NMT1: variants seen among roughly 807,000 people sequenced by gnomAD.
NMT1 encodes glycylpeptide N-tetradecanoyltransferase 1.
A neutral mutation model predicts 63.4 loss-of-function variants in NMT1; 12 were observed. The observed-to-expected ratio is 0.19, with a 90% CI of 0.12 to 0.31. The LOEUF (loss-of-function observed/expected upper bound fraction) is 0.31, where lower values mean the gene tolerates loss of function less well. Ranked by LOEUF, NMT1 falls within the 10% of genes least tolerant of loss-of-function variation. The pLI is 1.00. For synonymous variants in NMT1, 228 were observed against 234.3 expected (o/e 0.97, Z 0.25); for missense variants, 432 against 634.6 (o/e 0.68, Z 3.43).
chr17:45,093,814 C>T lies in NMT1; in HGVS notation c.504+11C>T, dbSNP rs1254960869. 5.6e-6 allele frequency: 9 copies of T among 1,607,908 alleles called. No homozygotes were observed. Among genetic ancestry groups the T allele is most frequent in the Admixed American group, 1.7e-5 (1 of 59,962 alleles). On this transcript the variant is annotated intron_variant, in intron 4 of 11. Transcript: ENST00000258960. ...GGCGATCGTGGTGTGGTGAGTGGGC[C>T]CTCAGAAGGTTACACCTGCGGGTAG...
intron 8 of NMT1, among the ~76,000 whole-genome samples, chr17:45,101,189 A>C (rs944849356): frequency 3.3e-5 from 5 of 151,648 alleles, no homozygotes; most frequent in African/African-American, 1.2e-4. Flanking sequence ...ATCTCAAAAA[A>C]AACAACAACA....
At chr17:45,067,102 C>T (rs1332309094) in intron 1 of NMT1, among the ~76,000 whole-genome samples, 1 of 151,622 alleles carries the variant, frequency 6.6e-6, no homozygotes, top group East Asian at 1.9e-4. Context: ...AGAGGAGAGT[C>T]AGATAAGATA....
chr17:45,062,246 A>C (rs2053868545), intron 1 of NMT1, among the ~76,000 whole-genome samples: 1 of 152,224 alleles, frequency 6.6e-6, no homozygotes, highest in Admixed American at 6.6e-5. Context: ...GAAACACACC[A>C]GGCATTTGAA....
chr17:45,088,519 T>C (rs2239917), intron 3 of NMT1, among the ~76,000 whole-genome samples: 87,213 of 152,032 alleles, frequency 0.57, 25,589 homozygotes, highest in African/African-American at 0.64. Context: ...CTTTGGGAGG[T>C]CGAGGCAGGC....
In NMT1 at chr17:45,104,498, A is replaced by G; in HGVS notation, c.1333-361A>G. On this transcript the variant is annotated intron_variant, in intron 10 of 11. Transcript: ENST00000258960. The surrounding 1 kb of genome is among the most constrained non-coding windows in gnomAD (Gnocchi z 4.2). ...TAAGGAAGCAACACAAACCCCATGT[A>G]GCTGACCAGAGCCAGCTTCTCAGAG... The G allele has an allele frequency of 9.0e-7, 1 of 1,111,616 alleles. No homozygotes were observed. The highest frequency in any genetic ancestry group is 1.1e-6 in the Non-Finnish European group (1 of 906,500). 68.9% of individuals were successfully genotyped at this position (1,111,616 alleles called of 1,614,324 possible).
chr17:45,093,195 A>T (rs1209125916), intron 3 of NMT1, among the ~76,000 whole-genome samples: 1 of 152,252 alleles, frequency 6.6e-6, no homozygotes, highest in African/African-American at 2.4e-5. Flanking sequence ...CGCTGCTGAA[A>T]GCCAAGGCTG....
At chr17:45,079,319 G>A (rs2053997736) in intron 1 of NMT1, among the ~76,000 whole-genome samples, 1 of 152,056 alleles carries the variant, frequency 6.6e-6, no homozygotes, top group African/African-American at 2.4e-5. Flanking sequence ...GGTCAGGCTG[G>A]TCTCGAACTC....
In NMT1 at chr17:45,103,176, C is replaced by G. The variant is rs886392489; in HGVS notation, c.1164+55C>G. ...TAACACGTTCCCAGAGAGGCACCCCCCTGAGTGGCCGGGTTCCCAGGGCTC... is the reference window on the plus strand; with the variant it reads ...TAACACGTTCCCAGAGAGGCACCCCGCTGAGTGGCCGGGTTCCCAGGGCTC... On this transcript the variant is annotated intron_variant, in intron 9 of 11. Coordinates refer to ENST00000258960, the MANE Select transcript of NMT1 (RefSeq NM_021079.5). This position sits in a 1 kb window ranked among gnomAD's most constrained non-coding sequence, Gnocchi z 4.8. 4 of 1,544,570 alleles carry G rather than the reference C, an allele frequency of 2.6e-6. No homozygotes were observed. In the South Asian group the frequency reaches 3.6e-5, roughly 14 times the overall value.
At position 45,104,097 on chromosome 17, in the gene NMT1, T is replaced by C; in HGVS notation, c.1332+221T>C. On this transcript the variant is annotated intron_variant, in intron 10 of 11. Coordinates refer to ENST00000258960, the MANE Select transcript of NMT1 (RefSeq NM_021079.5). This position sits in a 1 kb window ranked among gnomAD's most constrained non-coding sequence, Gnocchi z 4.2. ...AAGGCATTGAACTCCTCCTGATTCA[T>C]TTCAGTGAGTTTCGTTCTCACAGGA... The C allele has an allele frequency of 6.9e-7, 1 of 1,445,674 alleles. No homozygotes were observed. The highest frequency in any genetic ancestry group is 1.4e-5 in the South Asian group (1 of 73,792). The allele number at this position is 1,445,674 out of a possible 1,614,324, so 89.6% of individuals were successfully genotyped here.
intron 1 of NMT1, among the ~76,000 whole-genome samples, chr17:45,070,607 C>T (rs112765967): frequency 1.2e-4 from 18 of 152,250 alleles, no homozygotes; most frequent in East Asian, 3.9e-4. Flanking sequence ...TTAGTAGAGA[C>T]GGGGTTTCAC....
In NMT1 at chr17:45,104,880, G is replaced by A. The variant is rs1460724762; in HGVS notation, c.1354G>A (p.Ala452Thr). ...AKMKGFDVFN[A>T]LDLMENKTFL... ...GCAGAAAGGGTTTGATGTGTTCAAT[G>A]CACTGGATCTCATGGAGAACAAAAC... Residue 452 changes from alanine to threonine, a missense_variant, in exon 11 of 12, where the codon GCA becomes ACA. Ala to Thr is a moderately conservative substitution (Grantham distance 58, BLOSUM62 0). Coordinates refer to ENST00000258960, the MANE Select transcript of NMT1 (RefSeq NM_021079.5). The surrounding 1 kb of genome is among the most constrained non-coding windows in gnomAD (Gnocchi z 4.2). The A allele has an allele frequency of 6.2e-7, 1 of 1,614,238 alleles. No individual in the cohort carries two copies. The highest frequency in any genetic ancestry group is 1.7e-5 in the Admixed American group (1 of 60,028).
intron 1 of NMT1, among the ~76,000 whole-genome samples, chr17:45,065,874 T>C (rs2053899465): frequency 6.6e-6 from 1 of 151,234 alleles, no homozygotes; most frequent in Admixed American, 6.6e-5. Flanking sequence ...CTTATTCTCC[T>C]GGGCCTTTTT....
chr17:45,070,115 A>G (rs965728421), intron 1 of NMT1, among the ~76,000 whole-genome samples: 23 of 152,172 alleles, frequency 1.5e-4, no homozygotes, highest in Admixed American at 4.6e-4. Context: ...GTTATCGTCC[A>G]TGACAAGAAT....
At chr17:45,084,074 A>T (rs928985722) in intron 2 of NMT1, among the ~76,000 whole-genome samples, 2 of 152,240 alleles carry the variant, frequency 1.3e-5, no homozygotes, top group African/African-American at 4.8e-5. Context: ...TAGTTTTATT[A>T]ATCTAAGTCT....
In NMT1 at chr17:45,108,061, C is replaced by T. The variant is rs2054214523; in HGVS notation, c.*2422C>T. On this transcript the variant is annotated 3_prime_UTR_variant, in exon 12 of 12. Transcript: ENST00000258960. ...GGGGTCAGGGCCTCCCCACAGGAGC[C>T]CTGCAGTGTGGTAGCGCCATGGCTG... 3 of 152,254 alleles carry T rather than the reference C, an allele frequency of 2.0e-5. No homozygotes were observed. Among genetic ancestry groups the T allele is most frequent in the Admixed American group, 2.0e-4 (3 of 15,280 alleles). 9.4% of individuals were successfully genotyped at this position (152,254 alleles called of 1,614,324 possible).
At chr17:45,065,685 AGCTTTCCACTGTTGTGT>A (rs2053898316) in intron 1 of NMT1, among the ~76,000 whole-genome samples, 1 of 150,490 alleles carries the variant, frequency 6.6e-6, no homozygotes, top group Non-Finnish European at 1.5e-5. Flanking sequence ...TTTGCTGTGG[AGCTTTCCACTGTTGTGT>A]GCTTTCCACT....
chr17:45,099,630 A>G lies in NMT1; in HGVS notation c.993+117A>G, dbSNP rs1332507939. On this transcript the variant is annotated intron_variant, in intron 8 of 11. Transcript: ENST00000258960. ...GAGCTTTCTCCTACTGGAAAAGCGAACCAGCCCATAGTCTTCAGATTTCCT... is the reference window on the plus strand; with the variant it reads ...GAGCTTTCTCCTACTGGAAAAGCGAGCCAGCCCATAGTCTTCAGATTTCCT... 8.4e-6 allele frequency: 6 copies of G among 712,154 alleles called. No homozygotes were observed. The East Asian group carries it at 1.6e-4, about 19-fold the overall frequency. The allele number at this position is 712,154 out of a possible 1,614,324, so 44.1% of individuals were successfully genotyped here. A position where few individuals can be genotyped will look rare whatever the true frequency, so the allele number is the denominator to read the frequency against.
rs1485859573 is a variant in NMT1 at position 45,104,022 on chromosome 17, T to C, written c.1332+146T>C. ...TTCTGCTTAGGCAGGGTTCCCGCAG[T>C]TTTTAGGCAGAAACTCAAAACTTGG... is the stretch of plus-strand genomic sequence containing the variant. On this transcript the variant is annotated intron_variant, in intron 10 of 11. Transcript: ENST00000258960. This position sits in a 1 kb window ranked among gnomAD's most constrained non-coding sequence, Gnocchi z 4.2. 8.2e-6 allele frequency: 13 copies of C among 1,584,734 alleles called. No homozygotes were observed. The Admixed American group carries it at 1.1e-4, about 13-fold the overall frequency.
chr17:45,061,482 A>C (rs1331605705), intron 1 of NMT1, 22 bp downstream of exon 1: 1 of 1,607,524 alleles, frequency 6.2e-7, no homozygotes, highest in Non-Finnish European at 8.5e-7. Flanking sequence ...CTCGGAGTCC[A>C]ATTCCCGTCC....
Sources: allele counts gnomAD v4.1 joint callset (sites outside exome capture counted in the v4.1 genomes callset), GRCh38; gene constraint gnomAD v4.1.1; non-coding constraint Gnocchi (gnomAD v3.1); transcripts MANE v1.5; gene names NCBI Gene and HGNC (gene_info 2026-07-23, HGNC 2026-07-21).